The following IKBKB variants were observed in gnomAD, a reference collection of about 807,000 sequenced individuals.
IKBKB encodes the protein inhibitor of nuclear factor kappa-B kinase subunit beta.
Under a neutral mutation model 113.6 loss-of-function variants are expected in IKBKB, and 42 were observed. The ratio of observed to expected loss-of-function variants is 0.37; its 90% CI spans 0.29 to 0.48. The LOEUF (loss-of-function observed/expected upper bound fraction) is 0.48. Among genes scored for constraint, IKBKB ranks in the 20% least tolerant of loss-of-function variants. IKBKB has a pLI of 0.99. For synonymous variants in IKBKB, 296 were observed against 361.3 expected (o/e 0.82, Z 2.05); for missense variants, 673 against 939.7 (o/e 0.72, Z 3.71).
intron 4 of IKBKB, among the ~76,000 whole-genome samples, chr8:42,292,342 C>G (rs558282790): frequency 6.6e-6 from 1 of 152,236 alleles, no homozygotes; most frequent in Admixed American, 6.5e-5. Context: ...AAGAAGAGAT[C>G]GAAAGTTTAA....
At chr8:42,320,666 C>G in intron 15 of IKBKB, 69 bp from the exon 16 acceptor site, 2 of 1,296,120 alleles carry the variant, frequency 1.5e-6, no homozygotes, top group Non-Finnish European at 2.2e-6. Flanking sequence ...TGGTCTCGCT[C>G]CCCCGCAGAT....
intron 2 of IKBKB, among the ~76,000 whole-genome samples, chr8:42,280,539 C>T (rs995307586): frequency 2.6e-5 from 4 of 152,134 alleles, no homozygotes; most frequent in Admixed American, 2.0e-4. Context: ...GCTCTGTCAG[C>T]GTCTTGGCTG....
intron 2 of IKBKB, among the ~76,000 whole-genome samples, chr8:42,286,729 C>T (rs1244269638): frequency 2.0e-5 from 3 of 152,204 alleles, no homozygotes; most frequent in Admixed American, 2.0e-4. Flanking sequence ...CTGTTGCTCA[C>T]TTACAAGATT....
chr8:42,325,783 C>A (rs1299853728), intron 19 of IKBKB, 187 bp from the exon 20 acceptor site: 13 of 1,433,842 alleles, frequency 9.1e-6, no homozygotes, highest in Non-Finnish European at 1.2e-5. Context: ...TCCGTTGATA[C>A]AGAAACACTT....
At chr8:42,307,124 G>C (rs73622155) in intron 7 of IKBKB, among the ~76,000 whole-genome samples, 1 of 152,156 alleles carries the variant, frequency 6.6e-6, no homozygotes, top group African/African-American at 2.4e-5. Context: ...AAGAGTGCAG[G>C]GTGTTGCAAG....
Position 42,305,078 on chromosome 8 carries a change from G to T in IKBKB, c.389-109G>T, listed in dbSNP as rs1232636885. On this transcript the variant is annotated intron_variant, in intron 5 of 21. Coordinates refer to ENST00000520810, the MANE Select transcript of IKBKB (RefSeq NM_001556.3). ...TCCACCCTGAGGTATTGCGCTACAA[G>T]TCAGAGTATGTTTCAGGGGCATGCG... The T allele has an allele frequency of 4.0e-6, 3 of 742,476 alleles. No homozygotes were observed. The Middle Eastern group carries it at 6.9e-4, about 172-fold the overall frequency. The allele number at this position is 742,476 out of a possible 1,614,324, so 46.0% of individuals were successfully genotyped here.
intron 2 of IKBKB, among the ~76,000 whole-genome samples, chr8:42,284,454 T>C (rs1239843353): frequency 2.0e-5 from 3 of 151,772 alleles, no homozygotes; most frequent in Non-Finnish European, 2.9e-5. Context: ...TGGTGATGGG[T>C]GCCTGTAGTC....
At chr8:42,290,420 C>T in intron 4 of IKBKB, 147 bp downstream of exon 4, 2 of 642,972 alleles carry the variant, frequency 3.1e-6, no homozygotes, top group Non-Finnish European at 5.5e-6. Context: ...CCTCTCAGAT[C>T]CTCTGTTCCC....
intron 2 of IKBKB, among the ~76,000 whole-genome samples, chr8:42,285,131 C>T (rs746065173): frequency 5.3e-5 from 8 of 152,112 alleles, no homozygotes; most frequent in Non-Finnish European, 1.2e-4. Context: ...GCTGGGATTA[C>T]AGGCATGAGC....
At position 42,314,316 on chromosome 8, in the gene IKBKB, T is replaced by C. The variant is rs758542815; in HGVS notation, c.693-6T>C. 1.9e-6 allele frequency: 3 copies of C among 1,601,452 alleles called. No homozygotes were observed. Among genetic ancestry groups the C allele is most frequent in the Non-Finnish European group, 2.6e-6 (3 of 1,168,560 alleles). ...TGACTGCACCTAACAAGATTCATAT[T>C]TGCAGGCATTCAAAAGTGCGGCAGA... is the stretch of plus-strand genomic sequence containing the variant. On this transcript the variant is annotated splice_polypyrimidine_tract_variant and splice_region_variant and intron_variant, in intron 8 of 21. Transcript: ENST00000520810.
chr8:42,316,148 C>G lies in IKBKB; in HGVS notation c.801-62C>G. 3.2e-6 allele frequency: 5 copies of G among 1,586,312 alleles called. No homozygotes were observed. The highest frequency in any genetic ancestry group is 4.3e-6 in the Non-Finnish European group (5 of 1,161,826). ...TGCCGTCTGTGTGTATACTGGGAGA[C>G]GCACACTGTAGCCCAACATTGGCTG... On this transcript the variant is annotated intron_variant, in intron 9 of 21. Coordinates refer to ENST00000520810, the MANE Select transcript of IKBKB (RefSeq NM_001556.3). The surrounding 1 kb of genome is among the most constrained non-coding windows in gnomAD (Gnocchi z 4.5).
In IKBKB at chr8:42,303,264, A is replaced by G. The variant is rs577233334; in HGVS notation, c.389-1923A>G. Among the ~76,000 whole-genome samples, 3 of 152,346 alleles carry G rather than the reference A, an allele frequency of 2.0e-5. No individual in the cohort carries two copies. The South Asian group carries it at 6.2e-4, about 32-fold the overall frequency. On this transcript the variant is annotated intron_variant, in intron 5 of 21. Transcript: ENST00000520810. Reference sequence around the variant, plus strand: ...CTGCTTTTGACTTTTTAAGTTTTAAACAAGAAACAGGTCATACCATTAACT... The same window carrying G: ...CTGCTTTTGACTTTTTAAGTTTTAAGCAAGAAACAGGTCATACCATTAACT...
At chr8:42,272,230 A>G in intron 2 of IKBKB, 25 bp downstream of exon 2, 2 of 1,613,728 alleles carry the variant, frequency 1.2e-6, no homozygotes, top group Non-Finnish European at 1.7e-6. Flanking sequence ...CAGCTTGGGG[A>G]GGGGCGGGGA....
Position 42,331,837 on chromosome 8 carries a change from G to A in IKBKB, c.*858G>A, listed in dbSNP as rs200355207. 4.2e-5 allele frequency: 10 copies of A among 240,796 alleles called. No homozygotes were observed. Among genetic ancestry groups the A allele is most frequent in the Non-Finnish European group, 8.3e-5 (10 of 120,964 alleles). The allele number at this position is 240,796 out of a possible 1,614,324, so 14.9% of individuals were successfully genotyped here. On this transcript the variant is annotated 3_prime_UTR_variant, in exon 22 of 22. Transcript: ENST00000520810. ...CCCATGTCTCCATTCCTGCTCAAGC[G>A]TGTGTGCTGGGCCGGGGAGTCCCTG...
At chr8:42,288,595 C>T (rs200225124) in intron 2 of IKBKB, 39 bp from the exon 3 acceptor site, 1 of 1,533,954 alleles carries the variant, frequency 6.5e-7, no homozygotes, top group Non-Finnish European at 8.9e-7. Flanking sequence ...ATTTGGCCTG[C>T]AGCTCGCTCT....
At chr8:42,295,394 C>G (rs560937582) in intron 5 of IKBKB, among the ~76,000 whole-genome samples, 51 of 151,116 alleles carry the variant, frequency 3.4e-4, no homozygotes, top group Admixed American at 1.0e-3. Context: ...GCCGAGATTA[C>G]AGGCATGAGC....
chr8:42,305,295 TG>T lies in IKBKB; in HGVS notation c.477+23del. ...CAGAGGGTAAGTGACCTCCTGGGACTGGGAAAGCCTCAGGTGGGCGTGCCGG... is the reference window on the plus strand; with the variant it reads ...CAGAGGGTAAGTGACCTCCTGGGACTGGAAAGCCTCAGGTGGGCGTGCCGG... On this transcript the variant is annotated intron_variant, in intron 6 of 21. Transcript: ENST00000520810. 4 of 1,546,164 alleles carry T rather than the reference TG, an allele frequency of 2.6e-6. No homozygotes were observed. The highest frequency in any genetic ancestry group is 3.6e-6 in the Non-Finnish European group (4 of 1,118,606).
At chr8:42,271,673 G>A in intron 1 of IKBKB, 2 of 533,886 alleles carry the variant, frequency 3.7e-6, no homozygotes, top group Non-Finnish European at 6.5e-6. Context: ...GTGGCTTTGA[G>A]GGGAACCTGC....
chr8:42,271,343 C>T lies in IKBKB; in HGVS notation c.-145C>T. ...AAGTGTTTGAGGAAGTCGCGCCGCG[C>T]TGCCCGCGTTAAGATTCCCGCATTT... On this transcript the variant is annotated 5_prime_UTR_variant, in exon 1 of 22. Transcript: ENST00000520810. The T allele has an allele frequency of 3.2e-6, 4 of 1,263,352 alleles. No homozygotes were observed. The highest frequency in any genetic ancestry group is 4.5e-6 in the Non-Finnish European group (4 of 898,568). The allele number at this position is 1,263,352 out of a possible 1,614,324, so 78.3% of individuals were successfully genotyped here.
Sources: allele counts gnomAD v4.1 joint callset (sites outside exome capture counted in the v4.1 genomes callset), GRCh38; gene constraint gnomAD v4.1.1; non-coding constraint Gnocchi (gnomAD v3.1); transcripts MANE v1.5; gene names NCBI Gene and HGNC (gene_info 2026-07-23, HGNC 2026-07-21).